TRIM23: variants seen among roughly 807,000 people sequenced by gnomAD.
TRIM23 encodes E3 ubiquitin-protein ligase TRIM23.
Under a neutral mutation model 71.0 loss-of-function variants are expected in TRIM23, and 27 were observed. The observed-to-expected ratio is 0.38, with a 90% confidence interval of 0.28 to 0.52. TRIM23 has a LOEUF of 0.52. Among genes scored for constraint, TRIM23 ranks in the 20% least tolerant of loss-of-function variants. The probability of loss-of-function intolerance (pLI) is 0.84; values close to 1 mark genes in which losing one functional copy is unlikely to be tolerated. For synonymous variants in TRIM23, 234 were observed against 238.0 expected, an observed-to-expected ratio of 0.98 and a Z score of 0.16; for missense variants, 482 against 692.3, an observed-to-expected ratio of 0.70 and a Z score of 3.41.
intron 10 of TRIM23, among the ~76,000 whole-genome samples, chr5:65,592,571 T>C (rs536087125): frequency 6.6e-6 from 1 of 151,908 alleles, no homozygotes; most frequent in African/African-American, 2.4e-5. Context: ...AATTAACACA[T>C]AGAAACCTTA....
chr5:65,602,575 C>T (rs182330700), intron 7 of TRIM23, among the ~76,000 whole-genome samples: 15 of 152,238 alleles, frequency 9.9e-5, no homozygotes, highest in Admixed American at 7.2e-4. Flanking sequence ...CTTTCAGCAT[C>T]GCCTCACTCT....
chr5:65,611,854 C>T lies in TRIM23; in HGVS notation c.394G>A (p.Ala132Thr). The T allele has an allele frequency of 6.2e-7, 1 of 1,612,096 alleles. No individual in the cohort carries two copies. Among genetic ancestry groups the T allele is most frequent in the Non-Finnish European group, 8.5e-7 (1 of 1,178,350 alleles). Residue 132 changes from alanine (A) to threonine (T), a missense_variant, in exon 4 of 11, where the codon GCT (alanine) becomes ACT (threonine). Ala to Thr is a moderately conservative substitution (Grantham distance 58). Transcript: ENST00000231524. ...GTGCAATATACAGAGGCAAGGTGAGCTTCATCTTCATCACAACGAATGATG... is the reference window on the plus strand; with the variant it reads ...GTGCAATATACAGAGGCAAGGTGAGTTTCATCTTCATCACAACGAATGATG... ...ESIIRCDEDEAHLASVYCTVC... is the reference protein window; with the variant it reads ...ESIIRCDEDETHLASVYCTVC...
intron 3 of TRIM23, 83 bp downstream of exon 3, chr5:65,614,015 G>T: frequency 1.3e-6 from 2 of 1,563,540 alleles, no homozygotes; most frequent in Middle Eastern, 1.7e-4. Context: ...TGAAATAAAT[G>T]AAGTAATATT....
In TRIM23 at chr5:65,591,715, T is replaced by G. The variant is rs1355479455; in HGVS notation, c.*54A>C. 6.5e-7 allele frequency: 1 copy of G among 1,535,228 alleles called. No individual in the cohort carries two copies. The highest frequency in any genetic ancestry group is 8.8e-7 in the Non-Finnish European group (1 of 1,136,952). ...AGATGTATAATTTCTTAAAACATAC[T>G]ATGTGCAAAGTTACTTTTAACCACA... On this transcript the variant is annotated 3_prime_UTR_variant, in exon 11 of 11. Transcript: ENST00000231524.
At chr5:65,618,286 T>TA in intron 1 of TRIM23, 31 bp from the exon 2 acceptor site, 1 of 1,573,000 alleles carries the variant, frequency 6.4e-7, no homozygotes, top group Non-Finnish European at 8.6e-7. Context: ...ATGTGCTCTT[T>TA]AAACAATTTT....
At chr5:65,594,373 G>T in intron 10 of TRIM23, 148 bp downstream of exon 10, 2 of 1,087,558 alleles carry the variant, frequency 1.8e-6, no homozygotes, top group Non-Finnish European at 2.6e-6. Flanking sequence ...CAGGTACCCA[G>T]CACAGCATTT....
chr5:65,601,215 C>G (rs1754356291), intron 7 of TRIM23, among the ~76,000 whole-genome samples: 3 of 152,318 alleles, frequency 2.0e-5, no homozygotes, highest in South Asian at 4.1e-4. Context: ...GCACTATTCC[C>G]AGTAAACCAA....
chr5:65,604,421 T>C (rs966540044), intron 7 of TRIM23, among the ~76,000 whole-genome samples: 10 of 152,084 alleles, frequency 6.6e-5, no homozygotes, highest in African/African-American at 2.4e-4. Context: ...AAAGAGTCCT[T>C]ATCTTTTGGA....
At position 65,594,720 on chromosome 5, in the gene TRIM23, TATC is replaced by T. The variant is rs1350562199; in HGVS notation, c.1421-78_1421-76del. ...AGTAAATGAACCAAATATTTAATGA[TATC>T]ATTATTATGTTATGGTTAGAGTTTG... is the stretch of plus-strand genomic sequence containing the variant. On this transcript the variant is annotated intron_variant, in intron 9 of 10. Coordinates refer to ENST00000231524, the MANE Select transcript of TRIM23 (RefSeq NM_001656.4). 15 of 1,283,092 alleles carry T rather than the reference TATC, an allele frequency of 1.2e-5. No homozygotes were observed. The African/African-American group carries it at 2.1e-4, about 18-fold the overall frequency. 79.5% of individuals were successfully genotyped at this position (1,283,092 alleles called of 1,614,324 possible). A position where few individuals can be genotyped will look rare whatever the true frequency, so the allele number is the denominator to read the frequency against.
Position 65,590,395 on chromosome 5 carries a change from C to T in TRIM23, c.*1374G>A. On this transcript the variant is annotated 3_prime_UTR_variant, in exon 11 of 11. Coordinates refer to ENST00000231524, the MANE Select transcript of TRIM23 (RefSeq NM_001656.4). Reference sequence around the variant, plus strand: ...TTTTTTAATGCTTTGTTTTCTAAAACTTGTATTGTTTTTAAACAAAAATAG... The same window carrying T: ...TTTTTTAATGCTTTGTTTTCTAAAATTTGTATTGTTTTTAAACAAAAATAG... 3 of 1,434,436 alleles carry T rather than the reference C, an allele frequency of 2.1e-6. No homozygotes were observed. The highest frequency in any genetic ancestry group is 2.8e-6 in the Non-Finnish European group (3 of 1,089,034). 88.9% of individuals were successfully genotyped at this position (1,434,436 alleles called of 1,614,324 possible). A position where few individuals can be genotyped will look rare whatever the true frequency, so the allele number is the denominator to read the frequency against.
Position 65,591,811 on chromosome 5 carries a change from G to A in TRIM23, c.1683C>T (p.Leu561=), listed in dbSNP as rs1754038622. Residue 561 remains leucine (L), a synonymous_variant, in exon 11 of 11, where the codon CTC becomes CTT. Coordinates refer to ENST00000231524, the MANE Select transcript of TRIM23 (RefSeq NM_001656.4). ...GMGLYEGLDW[L]SRQLVAAGVL... Reference sequence around the variant, plus strand: ...CTCCAGCAGCTACAAGTTGCCGTGAGAGCCAGTCCAACCCTTCATACAGTC... The same window carrying A: ...CTCCAGCAGCTACAAGTTGCCGTGAAAGCCAGTCCAACCCTTCATACAGTC... The A allele has an allele frequency of 1.2e-6, 2 of 1,610,470 alleles. No individual in the cohort carries two copies.
chr5:65,608,121 G>C (rs1237443210), intron 6 of TRIM23, among the ~76,000 whole-genome samples: 3 of 152,218 alleles, frequency 2.0e-5, no homozygotes, highest in African/African-American at 7.2e-5. Flanking sequence ...ACCACTTCCA[G>C]TGCTAAAGGA....
In TRIM23 at chr5:65,590,532, A is replaced by C; in HGVS notation, c.*1237T>G. ...AAGATTTAAGATTTAACTTCATCCTAATGTATCAGAACATTAAAAAAAAAA... is the reference window on the plus strand; with the variant it reads ...AAGATTTAAGATTTAACTTCATCCTCATGTATCAGAACATTAAAAAAAAAA... On this transcript the variant is annotated 3_prime_UTR_variant, in exon 11 of 11. Transcript: ENST00000231524. 1 of 1,123,446 alleles carries C rather than the reference A, an allele frequency of 8.9e-7. No homozygotes were observed. The highest frequency in any genetic ancestry group is 1.1e-6 in the Non-Finnish European group (1 of 914,410). The allele number at this position is 1,123,446 out of a possible 1,614,324, so 69.6% of individuals were successfully genotyped here. A position where few individuals can be genotyped will look rare whatever the true frequency, so the allele number is the denominator to read the frequency against.
chr5:65,600,767 C>A (rs1431053110), intron 7 of TRIM23, among the ~76,000 whole-genome samples: 1 of 151,902 alleles, frequency 6.6e-6, no homozygotes, highest in East Asian at 1.9e-4. Context: ...GAATTAATAT[C>A]CAGAATATAC....
At chr5:65,614,254 C>T in intron 2 of TRIM23, 35 bp from the exon 3 acceptor site, 4 of 1,581,138 alleles carry the variant, frequency 2.5e-6, no homozygotes, top group Non-Finnish European at 3.5e-6. Context: ...CTAAATCTAA[C>T]AAAATGGACT....
rs757610736 is a variant in TRIM23, at chr5:65,611,920, A to G, written c.367-39T>C. 11 of 1,586,610 alleles carry G rather than the reference A, an allele frequency of 6.9e-6. No homozygotes were observed. In the African/African-American group the frequency reaches 1.5e-4, roughly 21 times the overall value. The stretch of plus-strand genomic sequence containing the variant: ...AATTAATGCCTTAAAATTGAACCCA[A>G]TCAGTATAACATGACGAATTTTTAA... On this transcript the variant is annotated intron_variant, in intron 3 of 10. Coordinates refer to ENST00000231524, the MANE Select transcript of TRIM23 (RefSeq NM_001656.4).
chr5:65,600,648 T>C (rs1285698037), intron 7 of TRIM23, among the ~76,000 whole-genome samples: 2 of 104,192 alleles, frequency 1.9e-5, no homozygotes, highest in African/African-American at 3.7e-5. Context: ...AAAGCAAAAA[T>C]AGACTACATC....
intron 9 of TRIM23, 77 bp from the exon 10 acceptor site, chr5:65,594,722 T>C (rs1266298364): frequency 3.9e-6 from 5 of 1,288,610 alleles, no homozygotes; most frequent in South Asian, 1.6e-5. Context: ...TTTAATGATA[T>C]CATTATTATG....
intron 7 of TRIM23, among the ~76,000 whole-genome samples, chr5:65,602,404 G>A (rs1295529778): frequency 4.6e-5 from 7 of 151,962 alleles, no homozygotes; most frequent in Non-Finnish European, 8.8e-5. Flanking sequence ...CCTGGATTTC[G>A]CCATCCATAT....
Sources: allele counts gnomAD v4.1 joint callset (sites outside exome capture counted in the v4.1 genomes callset), GRCh38; gene constraint gnomAD v4.1.1; transcripts MANE v1.5; gene names NCBI Gene and HGNC (gene_info 2026-07-23, HGNC 2026-07-21).